The following ACYP2 variants were observed in gnomAD, a reference collection of about 807,000 sequenced individuals.
ACYP2 encodes acylphosphatase-2.
Under a neutral mutation model 11.2 loss-of-function variants are expected in ACYP2, and 12 were observed. The observed-to-expected ratio is 1.08, with a 90% CI of 0.69 to 1.74. The LOEUF is 1.74. Among genes scored for constraint, ACYP2 ranks in the 40% most tolerant of loss-of-function variants. ACYP2 has a pLI of 0.00. For missense variants in ACYP2, 134 were observed against 101.9 expected, an observed-to-expected ratio of 1.31 and a Z score of -1.35; for synonymous variants, 43 against 32.2, an observed-to-expected ratio of 1.33 and a Z score of -1.13.
intron 6 of ACYP2, among the ~76,000 whole-genome samples, chr2:54,279,610 GTC>G (rs1688758095): frequency 7.7e-6 from 1 of 129,718 alleles, no homozygotes; most frequent in East Asian, 2.3e-4. Flanking sequence ...AAGAGCTGCA[GTC>G]TCTATCTGAA....
chr2:54,221,292 G>A (rs572776584), intron 6 of ACYP2, among the ~76,000 whole-genome samples: 6 of 152,248 alleles, frequency 3.9e-5, no homozygotes, highest in African/African-American at 1.4e-4. Flanking sequence ...AATTTGGGGT[G>A]CTTTATTATG....
At chr2:54,168,191 G>A (rs181740088) in intron 6 of ACYP2, among the ~76,000 whole-genome samples, 38 of 152,262 alleles carry the variant, frequency 2.5e-4, no homozygotes, top group Non-Finnish European at 2.1e-4. Flanking sequence ...TTGGTAGGTT[G>A]AGGTGAGCAG....
chr2:54,118,601 A>G (rs1425225546), intron 4 of ACYP2, among the ~76,000 whole-genome samples: 1 of 152,242 alleles, frequency 6.6e-6, no homozygotes, highest in Admixed American at 6.5e-5. Flanking sequence ...CTGCTATTAC[A>G]TTATATATTT....
At chr2:54,001,688 C>G (rs1371634438) in intron 2 of ACYP2, among the ~76,000 whole-genome samples, 1 of 152,228 alleles carries the variant, frequency 6.6e-6, no homozygotes, top group Non-Finnish European at 1.5e-5. Context: ...GCCACTGTGT[C>G]TAGCCAAAAA....
chr2:54,109,963 C>G (rs1186231184), intron 4 of ACYP2, among the ~76,000 whole-genome samples: 1 of 152,110 alleles, frequency 6.6e-6, no homozygotes, highest in African/African-American at 2.4e-5. Context: ...ACGATCCCAC[C>G]AAGGATACTA....
intron 6 of ACYP2, among the ~76,000 whole-genome samples, chr2:54,197,504 G>T (rs750562547): frequency 2.0e-5 from 3 of 152,194 alleles, no homozygotes; most frequent in Non-Finnish European, 2.9e-5. Context: ...AAGCAACATA[G>T]TATCCAAAAC....
At chr2:54,080,323 A>G (rs982221172) in intron 4 of ACYP2, 3 of 152,228 alleles carry the variant, frequency 2.0e-5, no homozygotes, top group African/African-American at 7.2e-5. Context: ...TTGTTTTATT[A>G]TCTGCCTGAC....
intron 2 of ACYP2, among the ~76,000 whole-genome samples, chr2:54,005,997 G>A (rs1028367973): frequency 1.3e-5 from 2 of 151,642 alleles, no homozygotes; most frequent in East Asian, 1.9e-4. Context: ...TAGGCCGGGC[G>A]TGGTGAGACT....
chr2:54,299,800 G>A (rs1689655220), intron 6 of ACYP2, among the ~76,000 whole-genome samples: 1 of 152,076 alleles, frequency 6.6e-6, no homozygotes, highest in South Asian at 2.1e-4. Context: ...ATTGATCCCA[G>A]GCCCCAGTGG....
chr2:54,102,618 C>A (rs1678953671), intron 4 of ACYP2, among the ~76,000 whole-genome samples: 2 of 96,734 alleles, frequency 2.1e-5, no homozygotes, highest in South Asian at 5.9e-4. Context: ...GATAGAAACC[C>A]AATTTAAGCT....
chr2:54,181,810 G>C (rs982593070), intron 6 of ACYP2, among the ~76,000 whole-genome samples: 1 of 152,096 alleles, frequency 6.6e-6, no homozygotes, highest in Middle Eastern at 3.4e-3. Context: ...TCTGTCCACT[G>C]GTTCTCCTGA....
intron 2 of ACYP2, among the ~76,000 whole-genome samples, chr2:54,010,462 C>G (rs989889689): frequency 2.0e-5 from 3 of 146,776 alleles, no homozygotes; most frequent in East Asian, 2.0e-4. Flanking sequence ...CCAGTCTGGG[C>G]AACAAGAGTT....
chr2:53,977,485 A>G (rs531208631), intron 2 of ACYP2, among the ~76,000 whole-genome samples: 1 of 152,068 alleles, frequency 6.6e-6, no homozygotes, highest in African/African-American at 2.4e-5. Context: ...CTGTAATCCC[A>G]GCACTTTGGG....
intron 3 of ACYP2, among the ~76,000 whole-genome samples, chr2:54,055,758 A>G (rs1676108610): frequency 6.6e-6 from 1 of 152,216 alleles, no homozygotes; most frequent in Non-Finnish European, 1.5e-5. Context: ...CAGAGGTCCA[A>G]TTTGGCAGAG....
intron 2 of ACYP2, among the ~76,000 whole-genome samples, chr2:54,035,951 T>G (rs146016343): frequency 1.3e-5 from 2 of 152,288 alleles, no homozygotes; most frequent in Non-Finnish European, 2.9e-5. Flanking sequence ...ACAATATAAT[T>G]AAATGTATAT....
At chr2:54,124,103 A>G (rs1680319913) in intron 4 of ACYP2, among the ~76,000 whole-genome samples, 1 of 152,248 alleles carries the variant, frequency 6.6e-6, no homozygotes, top group Non-Finnish European at 1.5e-5. Context: ...ACACATTACA[A>G]AAAGATTGTG....
At chr2:54,048,551 C>T (rs1216138568) in intron 2 of ACYP2, among the ~76,000 whole-genome samples, 1 of 152,114 alleles carries the variant, frequency 6.6e-6, no homozygotes, top group Non-Finnish European at 1.5e-5. Flanking sequence ...TCTGTCACCC[C>T]ACTGGAGTGC....
At chr2:54,043,925 C>G (rs1322716118) in intron 2 of ACYP2, among the ~76,000 whole-genome samples, 3 of 152,170 alleles carry the variant, frequency 2.0e-5, no homozygotes, top group African/African-American at 7.2e-5. Flanking sequence ...GAACTACCCA[C>G]ATTTTTTAGG....
intron 6 of ACYP2, among the ~76,000 whole-genome samples, chr2:54,196,512 AT>A (rs558152258): frequency 2.0e-5 from 3 of 152,050 alleles, no homozygotes; most frequent in Non-Finnish European, 4.4e-5. Flanking sequence ...GATTATTTCA[AT>A]TTTTTTTAAG....
Sources: gnomAD v4.1 joint callset for allele counts (sites outside exome capture counted in the v4.1 genomes callset) on GRCh38, gnomAD v4.1.1 for gene constraint, MANE v1.5 for transcripts, NCBI Gene and HGNC (gene_info 2026-07-23, HGNC 2026-07-21) for gene names.